The following FOXP1 variants were observed in gnomAD, a reference collection of about 807,000 sequenced individuals.
FOXP1 encodes forkhead box P1.
Under a neutral mutation model 98.2 loss-of-function variants are expected in FOXP1, and 15 were observed. That is an observed-to-expected ratio of 0.15 (90% CI 0.10 to 0.24). The LOEUF is 0.24. Ranked by LOEUF, FOXP1 falls within the 10% of genes least tolerant of loss-of-function variation. FOXP1 has a pLI of 1.00. For synonymous variants in FOXP1, 371 were observed against 314.5 expected (o/e 1.18, Z -1.90); for missense variants, 633 against 848.5 (o/e 0.75, Z 3.15).
chr3:71,397,034 GTGTATATATATATACACATATATA>G (rs2081516304), intron 3 of FOXP1, among the ~76,000 whole-genome samples: 1 of 71,302 alleles, frequency 1.4e-5, no homozygotes, highest in African/African-American at 5.8e-5. Context: ...ACATATATAT[GTGTATATATATATACACATATATA>G]TGTGTATATA....
At chr3:71,192,753 G>A (rs2063064678) in intron 6 of FOXP1, among the ~76,000 whole-genome samples, 1 of 151,964 alleles carries the variant, frequency 6.6e-6, no homozygotes, top group East Asian at 1.9e-4. Flanking sequence ...ATGCTCAAGG[G>A]ATCCTCCCAC....
chr3:71,491,036 G>T (rs1381680982), intron 3 of FOXP1, among the ~76,000 whole-genome samples: 6 of 152,024 alleles, frequency 3.9e-5, no homozygotes, highest in Non-Finnish European at 8.8e-5. Context: ...ATTATTTTGA[G>T]ACGGAGTCTC....
chr3:71,248,166 G>A (rs926445364), intron 5 of FOXP1, among the ~76,000 whole-genome samples: 1 of 152,132 alleles, frequency 6.6e-6, no homozygotes, highest in African/African-American at 2.4e-5. Flanking sequence ...CAACCATAAG[G>A]TGCCACACAG....
chr3:71,555,450 CAT>C (rs1372753110), intron 2 of FOXP1, among the ~76,000 whole-genome samples: 2 of 152,224 alleles, frequency 1.3e-5, no homozygotes, highest in Admixed American at 6.5e-5. Flanking sequence ...AGGAACTGCA[CAT>C]AGTCTCCTTG....
At chr3:71,552,207 A>G (rs1393796729) in intron 2 of FOXP1, among the ~76,000 whole-genome samples, 2 of 152,148 alleles carry the variant, frequency 1.3e-5, no homozygotes, top group Non-Finnish European at 2.9e-5. Context: ...AAATATGGGA[A>G]AAGGTGCTGA....
chr3:71,308,749 ATGTGTGTGTGTGTGTGTGTGTGTGTG>A lies in FOXP1; in HGVS notation c.-72-8895_-72-8870del, dbSNP rs71104439. 1.1e-3 allele frequency among the ~76,000 whole-genome samples: 151 copies of A among 132,288 alleles called. 1 individual carries two copies. Among genetic ancestry groups the A allele is most frequent in the Admixed American group, 1.6e-3 (21 of 13,078 alleles). The allele number at this position is 132,288 out of a possible 152,430, so 86.8% of individuals were successfully genotyped here. On this transcript the variant is annotated intron_variant, in intron 4 of 20. Coordinates refer to ENST00000649528, the MANE Select transcript of FOXP1 (RefSeq NM_001349338.3). Reference sequence around the variant, plus strand: ...AATTATTATGAAGCATTCTACCACAATGTGTGTGTGTGTGTGTGTGTGTGTGTGTGTGTGTGTGTGTGTGTGTGTGT... The same window carrying A: ...AATTATTATGAAGCATTCTACCACAATGTGTGTGTGTGTGTGTGTGTGTGT...
intron 3 of FOXP1, among the ~76,000 whole-genome samples, chr3:71,430,810 C>T (rs1184117144): frequency 1.3e-5 from 2 of 151,968 alleles, no homozygotes; most frequent in Non-Finnish European, 2.9e-5. Flanking sequence ...AACTCATGGG[C>T]TGTTGGGGGA....
chr3:71,510,118 T>C (rs1288551796), intron 2 of FOXP1, among the ~76,000 whole-genome samples: 1 of 121,654 alleles, frequency 8.2e-6, no homozygotes, highest in Non-Finnish European at 1.8e-5. Flanking sequence ...GAGGCGGAGG[T>C]TGTAGTGAGC....
intron 2 of FOXP1, among the ~76,000 whole-genome samples, chr3:71,538,271 T>C (rs1188497002): frequency 6.6e-6 from 1 of 152,218 alleles, no homozygotes; most frequent in East Asian, 1.9e-4. Flanking sequence ...CAATATAAGT[T>C]AGAAGATCAC....
intron 5 of FOXP1, among the ~76,000 whole-genome samples, chr3:71,235,137 A>T (rs2066667184): frequency 1.3e-5 from 2 of 152,182 alleles, no homozygotes; most frequent in South Asian, 4.1e-4. Flanking sequence ...TGGGGAAAAA[A>T]AAAATCTTAG....
chr3:71,334,722 A>G (rs889987231), intron 4 of FOXP1: 8 of 152,222 alleles, frequency 5.3e-5, no homozygotes, highest in African/African-American at 1.7e-4. Context: ...TATAAAGAAC[A>G]CAGCAAACTG....
chr3:71,009,911 GCTGAA>G (rs2043341314), intron 12 of FOXP1, among the ~76,000 whole-genome samples: 1 of 148,304 alleles, frequency 6.7e-6, no homozygotes, highest in African/African-American at 2.5e-5. Context: ...ACGACACCCA[GCTGAA>G]TTTTTTTTTT....
At chr3:71,513,596 C>T (rs529170791) in intron 2 of FOXP1, among the ~76,000 whole-genome samples, 2 of 152,278 alleles carry the variant, frequency 1.3e-5, no homozygotes, top group Non-Finnish European at 2.9e-5. Context: ...CTCCACCTCT[C>T]GCACCAGAAC....
At chr3:71,377,148 C>A (rs1012915729) in intron 3 of FOXP1, among the ~76,000 whole-genome samples, 1 of 152,058 alleles carries the variant, frequency 6.6e-6, no homozygotes, top group East Asian at 1.9e-4. Context: ...CTCACTGATG[C>A]GAAGGTACCC....
chr3:71,140,951 GAA>G (rs1203035978), intron 6 of FOXP1, among the ~76,000 whole-genome samples: 1 of 139,760 alleles, frequency 7.2e-6, no homozygotes. Context: ...TGGTCTCCAA[GAA>G]AAAAAAAAAA....
At chr3:71,003,002 G>C (rs1576046928) in intron 12 of FOXP1, among the ~76,000 whole-genome samples, 1 of 152,304 alleles carries the variant, frequency 6.6e-6, no homozygotes, top group East Asian at 1.9e-4. Flanking sequence ...TAAGGAAATA[G>C]TACTAAACCC....
At chr3:71,284,302 C>T (rs1388249640) in intron 5 of FOXP1, among the ~76,000 whole-genome samples, 4 of 152,164 alleles carry the variant, frequency 2.6e-5, no homozygotes, top group African/African-American at 4.8e-5. Flanking sequence ...CAGTGGTTCA[C>T]GCCTGTAATC....
chr3:71,354,879 T>C (rs1369675737), intron 4 of FOXP1, among the ~76,000 whole-genome samples: 1 of 152,146 alleles, frequency 6.6e-6, no homozygotes, highest in African/African-American at 2.4e-5. Context: ...AACTGAGTCT[T>C]AGAGAGAGAA....
chr3:71,014,434 G>A (rs555561392), intron 12 of FOXP1, among the ~76,000 whole-genome samples: 265 of 152,102 alleles, frequency 1.7e-3, no homozygotes, highest in South Asian at 3.7e-3. Context: ...AATCAAAACC[G>A]CAATGAGATA....
Sources: allele counts gnomAD v4.1 joint callset (sites outside exome capture counted in the v4.1 genomes callset), GRCh38; gene constraint gnomAD v4.1.1; transcripts MANE v1.5; gene names NCBI Gene and HGNC (gene_info 2026-07-23, HGNC 2026-07-21).